The following STK32B variants were observed in gnomAD, a reference collection of about 807,000 sequenced individuals.
STK32B encodes serine/threonine-protein kinase 32B.
STK32B carries 43 observed loss-of-function variants against 52.6 expected under a neutral mutation model. The observed-to-expected ratio is 0.82, with a 90% CI of 0.64 to 1.05. The LOEUF (loss-of-function observed/expected upper bound fraction) is 1.05. STK32B is among the 50% of genes least tolerant of loss of function. The pLI is 0.00. For missense variants in STK32B, 621 were observed against 534.6 expected (o/e 1.16, Z -1.59); for synonymous variants, 238 against 204.3 (o/e 1.17, Z -1.41).
chr4:5,468,511 G>A (rs1271897881), intron 11 of STK32B, among the ~76,000 whole-genome samples: 1 of 152,218 alleles, frequency 6.6e-6, no homozygotes, highest in Non-Finnish European at 1.5e-5. Context: ...GGGGCTGTGA[G>A]AATTAAATGA....
At position 5,386,266 on chromosome 4, in the gene STK32B, C is replaced by T. The variant is rs545483982; in HGVS notation, c.435-11941C>T. Among the ~76,000 whole-genome samples the T allele has an allele frequency of 2.2e-4, 34 of 152,190 alleles. No homozygotes were observed. The highest frequency in any genetic ancestry group is 7.2e-4 in the African/African-American group (30 of 41,508). ...CTTTGACTGTCTCTTGTTTTCTTAG[C>T]TCCTGGGTAAGCTCCAGAAGGCAGG... On this transcript the variant is annotated intron_variant, in intron 4 of 11. Transcript: ENST00000282908. The surrounding 1 kb of genome is among the most constrained non-coding windows in gnomAD (Gnocchi z 4.5).
chr4:5,265,111 A>G (rs566284804), intron 3 of STK32B, among the ~76,000 whole-genome samples: 1 of 152,288 alleles, frequency 6.6e-6, no homozygotes, highest in Non-Finnish European at 1.5e-5. Flanking sequence ...TGAAGTAGCC[A>G]TTGATATTTT....
At chr4:5,216,670 G>A (rs1022996366) in intron 3 of STK32B, among the ~76,000 whole-genome samples, 1 of 152,198 alleles carries the variant, frequency 6.6e-6, no homozygotes, top group Non-Finnish European at 1.5e-5. Context: ...CAGAAAGACA[G>A]CCAGTGTGAT....
At chr4:5,148,437 TTTA>T (rs1717091671) in intron 2 of STK32B, among the ~76,000 whole-genome samples, 1 of 151,856 alleles carries the variant, frequency 6.6e-6, no homozygotes. Context: ...TATGTTGTAT[TTTA>T]TTATTTAGTT....
intron 11 of STK32B, among the ~76,000 whole-genome samples, chr4:5,495,397 T>C (rs969979515): frequency 1.8e-4 from 28 of 152,230 alleles, no homozygotes; most frequent in African/African-American, 6.8e-4. Context: ...ATTCTTCATG[T>C]AGTTCTCGAG....
the STK32B span, among the ~76,000 whole-genome samples, chr4:5,021,421 G>T: frequency 2.2e-4 from 33 of 152,310 alleles, no homozygotes; most frequent in African/African-American, 7.7e-4. Context: ...TTTCTTCTGG[G>T]TGAAGGAGTC....
intron 5 of STK32B, among the ~76,000 whole-genome samples, chr4:5,409,922 T>G (rs889247348): frequency 1.3e-5 from 2 of 152,180 alleles, no homozygotes; most frequent in Non-Finnish European, 2.9e-5. Flanking sequence ...CAAAGACATG[T>G]GCTGAAAACA....
intron 4 of STK32B, among the ~76,000 whole-genome samples, chr4:5,357,990 T>G (rs1039876690): frequency 6.6e-6 from 1 of 152,158 alleles, no homozygotes; most frequent in African/African-American, 2.4e-5. Flanking sequence ...GATGTGTCAT[T>G]TAGGATGAAA....
chr4:5,115,675 G>A (rs1305398062), intron 1 of STK32B, among the ~76,000 whole-genome samples: 1 of 151,762 alleles, frequency 6.6e-6, no homozygotes, highest in Admixed American at 6.6e-5. Context: ...TTTCTCCTAG[G>A]GGTGCCACAG....
At chr4:5,365,258 T>G (rs2109004071) in intron 4 of STK32B, among the ~76,000 whole-genome samples, 1 of 152,322 alleles carries the variant, frequency 6.6e-6, no homozygotes, top group East Asian at 1.9e-4. Flanking sequence ...TTCACGGAAC[T>G]TTGGCATACT....
rs1483998124 is a variant in STK32B at position 5,159,588 on chromosome 4, AATATATATGAAT to A, written c.109-8692_109-8681del. Among the ~76,000 whole-genome samples, 53 of 105,846 alleles carry A rather than the reference AATATATATGAAT, an allele frequency of 5.0e-4. 2 individuals carry two copies. Among genetic ancestry groups the A allele is most frequent in the African/African-American group, 2.1e-3 (40 of 19,360 alleles). 69.4% of individuals were successfully genotyped at this position (105,846 alleles called of 152,430 possible). On this transcript the variant is annotated intron_variant, in intron 2 of 11. Coordinates refer to ENST00000282908, the MANE Select transcript of STK32B (RefSeq NM_018401.3). ...ATGAATATATATGAATATATATATG[AATATATATGAAT>A]ATATATATGAATATATATGAATATA...
At chr4:5,052,493 G>A (rs1405122867) in intron 1 of STK32B, among the ~76,000 whole-genome samples, 1 of 152,156 alleles carries the variant, frequency 6.6e-6, no homozygotes, top group Non-Finnish European at 1.5e-5. Context: ...CAGAAGTGGT[G>A]TAGGCTGTCC....
chr4:5,099,457 C>CGCGCGCGCACGT (rs5855838), intron 1 of STK32B, among the ~76,000 whole-genome samples: 79 of 146,270 alleles, frequency 5.4e-4, no homozygotes, highest in Admixed American at 1.7e-3. Context: ...TGTGCGCGCG[C>CGCGCGCGCACGT]GCGTATGTGA....
chr4:5,224,066 C>T (rs1172619471), intron 3 of STK32B, among the ~76,000 whole-genome samples: 3 of 152,148 alleles, frequency 2.0e-5, no homozygotes, highest in African/African-American at 7.2e-5. Context: ...GAATCTCACG[C>T]ATATCTGATT....
At position 5,260,244 on chromosome 4, in the gene STK32B, CT is replaced by C. The variant is rs371442640; in HGVS notation, c.261-70974del. Among the ~76,000 whole-genome samples, 352 of 152,280 alleles carry C rather than the reference CT, an allele frequency of 2.3e-3. 1 individual carries two copies. Among genetic ancestry groups the C allele is most frequent in the Middle Eastern group, 0.01 (3 of 292 alleles). On this transcript the variant is annotated intron_variant, in intron 3 of 11. Transcript: ENST00000282908. ...CCCAACATTGCAAATTAGCAACACCCTTAACAAATGTCCATTAATCTCCCAG... is the reference window on the plus strand; with the variant it reads ...CCCAACATTGCAAATTAGCAACACCCTAACAAATGTCCATTAATCTCCCAG...
intron 11 of STK32B, among the ~76,000 whole-genome samples, chr4:5,491,959 C>T (rs200477670): frequency 6.6e-6 from 1 of 152,222 alleles, no homozygotes; most frequent in African/African-American, 2.4e-5. Context: ...GGTACCAGTA[C>T]CATGCTGTTT....
At chr4:5,417,544 GTTTA>G (rs1712264331) in intron 6 of STK32B, among the ~76,000 whole-genome samples, 1 of 151,842 alleles carries the variant, frequency 6.6e-6, no homozygotes, top group Non-Finnish European at 1.5e-5. Context: ...TATCTATTGT[GTTTA>G]TTTGTTTTGT....
chr4:5,194,384 G>A (rs1721477607), intron 3 of STK32B, among the ~76,000 whole-genome samples: 1 of 152,210 alleles, frequency 6.6e-6, no homozygotes. Context: ...GAAATGAGGA[G>A]CCATCTGTCC....
intron 1 of STK32B, among the ~76,000 whole-genome samples, chr4:5,119,884 A>G (rs1348350202): frequency 6.6e-6 from 1 of 152,200 alleles, no homozygotes; most frequent in African/African-American, 2.4e-5. Context: ...TCTTTTCTAC[A>G]TGCATTTATT....
Sources: allele counts gnomAD v4.1 joint callset (sites outside exome capture counted in the v4.1 genomes callset), GRCh38; gene constraint gnomAD v4.1.1; non-coding constraint Gnocchi (gnomAD v3.1); transcripts MANE v1.5; gene names NCBI Gene and HGNC (gene_info 2026-07-23, HGNC 2026-07-21).